KLF8: variants seen among roughly 807,000 people sequenced by gnomAD.
The protein encoded by KLF8 is Krueppel-like factor 8.
Under a neutral mutation model 18.2 loss-of-function variants are expected in KLF8, and 10 were observed. The ratio of observed to expected loss-of-function variants is 0.55; its 90% confidence interval spans 0.34 to 0.93. KLF8 has a LOEUF of 0.93. Among genes scored for constraint, KLF8 ranks in the 40% least tolerant of loss-of-function variants. The pLI, the probability that KLF8 is intolerant of heterozygous loss-of-function variation, is 0.02. For missense variants in KLF8, 264 were observed against 277.9 expected (o/e 0.95, Z 0.36); for synonymous variants, 109 against 97.3 (o/e 1.12, Z -0.71).
the KLF8 span, chrX:55,962,380 G>A: frequency 1.8e-5 from 4 of 217,886 alleles, no homozygotes; most frequent in Non-Finnish European, 3.5e-5. Context: ...TGACCAATGA[G>A]TTCTCCATCT....
the KLF8 span, among the ~76,000 whole-genome samples, chrX:56,054,819 C>A: frequency 8.9e-6 from 1 of 111,980 alleles, no homozygotes; most frequent in Non-Finnish European, 1.9e-5. Flanking sequence ...TTTCATTGAA[C>A]CCTTTACCAT....
At chrX:55,941,340 C>T in the KLF8 span, among the ~76,000 whole-genome samples, 6 of 111,952 alleles carry the variant, frequency 5.4e-5, no homozygotes, top group Non-Finnish European at 1.1e-4. Flanking sequence ...CAACTGGATC[C>T]CTTCCTTACA....
the KLF8 span, among the ~76,000 whole-genome samples, chrX:56,127,002 C>T: frequency 2.7e-5 from 3 of 109,495 alleles, no homozygotes; most frequent in African/African-American, 1.0e-4. Flanking sequence ...ATCTACCCGC[C>T]TCGGCCTCCC....
At chrX:55,940,507 A>T in the KLF8 span, among the ~76,000 whole-genome samples, 1 of 111,882 alleles carries the variant, frequency 8.9e-6, no homozygotes, top group Non-Finnish European at 1.9e-5. Flanking sequence ...TATTCAACAT[A>T]GTGTTGAAAT....
the KLF8 span, among the ~76,000 whole-genome samples, chrX:56,051,544 A>T: frequency 9.1e-6 from 1 of 110,476 alleles, no homozygotes; most frequent in East Asian, 2.8e-4. Flanking sequence ...GTTTGGCTGG[A>T]TATGAAATTC....
the KLF8 span, among the ~76,000 whole-genome samples, chrX:56,149,656 G>T: frequency 1.2e-3 from 130 of 111,413 alleles, no homozygotes; most frequent in Non-Finnish European, 2.0e-3. Flanking sequence ...TTGAAACGTG[G>T]GTGGTGTGCA....
the KLF8 span, among the ~76,000 whole-genome samples, chrX:56,157,909 T>A: frequency 3.6e-5 from 4 of 112,019 alleles, no homozygotes; most frequent in East Asian, 8.4e-4. Context: ...ATCCCATTTG[T>A]CAATTTTGTC....
chrX:56,243,739 T>C (rs757084534), intron 1 of KLF8, among the ~76,000 whole-genome samples: 5 of 109,218 alleles, frequency 4.6e-5, no homozygotes, highest in Non-Finnish European at 9.5e-5. Context: ...TTTCACCATG[T>C]TGGCCAGGAT....
At chrX:55,958,711 T>G in the KLF8 span, among the ~76,000 whole-genome samples, 6 of 112,502 alleles carry the variant, frequency 5.3e-5, no homozygotes, top group Non-Finnish European at 9.4e-5. Flanking sequence ...AGCAAATGAA[T>G]TACTTGTTAC....
At chrX:56,064,053 A>G in the KLF8 span, among the ~76,000 whole-genome samples, 2 of 107,708 alleles carry the variant, frequency 1.9e-5, no homozygotes, top group Admixed American at 1.0e-4. Flanking sequence ...ATGTATGTGT[A>G]TATATATGTA....
the KLF8 span, among the ~76,000 whole-genome samples, chrX:56,125,645 T>C: frequency 1.6e-4 from 18 of 112,498 alleles, no homozygotes; most frequent in African/African-American, 5.8e-4. Context: ...CTTAAGTAAG[T>C]ACCTTTTCTC....
At chrX:55,980,812 C>T in the KLF8 span, among the ~76,000 whole-genome samples, 2 of 112,044 alleles carry the variant, frequency 1.8e-5, no homozygotes, top group African/African-American at 6.5e-5. Flanking sequence ...AATAAGTGTG[C>T]GAACTGTTAT....
chrX:56,037,500 TA>T, the KLF8 span, among the ~76,000 whole-genome samples: 3 of 111,617 alleles, frequency 2.7e-5, no homozygotes, highest in Non-Finnish European at 3.8e-5. Context: ...TTAATTTTTT[TA>T]AAAAAGTTTG....
chrX:55,999,094 G>A, the KLF8 span, among the ~76,000 whole-genome samples: 4 of 108,941 alleles, frequency 3.7e-5, no homozygotes, highest in Admixed American at 3.9e-4. Context: ...TTATTGACTA[G>A]GGTGTCCTTT....
chrX:56,190,045 A>C, the KLF8 span, among the ~76,000 whole-genome samples: 1 of 110,553 alleles, frequency 9.0e-6, no homozygotes, highest in Non-Finnish European at 1.9e-5. Context: ...AAAAATAAAA[A>C]AATAAAAAAT....
the KLF8 span, among the ~76,000 whole-genome samples, chrX:56,051,968 A>G: frequency 2.7e-5 from 3 of 110,046 alleles, no homozygotes; most frequent in East Asian, 8.5e-4. Flanking sequence ...TTGCTCATTT[A>G]TTTTTATTCT....
the KLF8 span, among the ~76,000 whole-genome samples, chrX:56,066,716 T>A: frequency 9.0e-6 from 1 of 111,085 alleles, no homozygotes; most frequent in Non-Finnish European, 1.9e-5. Context: ...GCTCCAAGGA[T>A]GTGAATATAC....
the KLF8 span, among the ~76,000 whole-genome samples, chrX:56,054,469 G>T: frequency 9.0e-6 from 1 of 111,469 alleles, no homozygotes; most frequent in Admixed American, 9.6e-5. Context: ...TATTATTTCT[G>T]TTCTTTTGCT....
the KLF8 span, among the ~76,000 whole-genome samples, chrX:56,135,957 AAAAC>A: frequency 4.5e-5 from 5 of 111,651 alleles, no homozygotes; most frequent in Non-Finnish European, 9.4e-5. Context: ...GAGAACTAGA[AAAAC>A]AAACAGAGAG....
Sources: gnomAD v4.1 joint callset for allele counts (sites outside exome capture counted in the v4.1 genomes callset) on GRCh38, gnomAD v4.1.1 for gene constraint, MANE v1.5 for transcripts, NCBI Gene and HGNC (gene_info 2026-07-23, HGNC 2026-07-21) for gene names.